HTR2A: variants seen among roughly 807,000 people sequenced by gnomAD.
HTR2A encodes 5-HT2 receptor.
HTR2A carries 14 observed loss-of-function variants against 31.0 expected under a neutral mutation model. The ratio of observed to expected loss-of-function variants is 0.45; its 90% CI spans 0.30 to 0.71. The LOEUF (loss-of-function observed/expected upper bound fraction) is 0.71. HTR2A is among the 30% of genes least tolerant of loss of function. The probability of loss-of-function intolerance (pLI) is 0.09; values close to 1 mark genes in which losing one functional copy is unlikely to be tolerated. For missense variants in HTR2A, 442 were observed against 573.3 expected, an observed-to-expected ratio of 0.77 and a Z score of 2.34; for synonymous variants, 209 against 225.2, an observed-to-expected ratio of 0.93 and a Z score of 0.64.
intron 3 of HTR2A, among the ~76,000 whole-genome samples, chr13:46,864,378 C>T (rs1462579085): frequency 6.6e-6 from 1 of 152,122 alleles, no homozygotes; most frequent in Non-Finnish European, 1.5e-5. Context: ...CATGACAAAC[C>T]TGCACAGGTA....
rs962213598 is a variant in HTR2A at position 46,885,433 on chromosome 13, G to A, written c.613+6957C>T. ...GGTTAACTGGGTAAATAAAACTATGGAAAGGGAAACTGGATAATGGAAACA... is the reference window on the plus strand; with the variant it reads ...GGTTAACTGGGTAAATAAAACTATGAAAAGGGAAACTGGATAATGGAAACA... On this transcript the variant is annotated intron_variant, in intron 3 of 3. Transcript: ENST00000542664. Among the ~76,000 whole-genome samples the A allele has an allele frequency of 4.6e-5, 7 of 152,112 alleles. No individual in the cohort carries two copies. In the South Asian group the frequency reaches 1.0e-3, roughly 23 times the overall value.
intron 3 of HTR2A, among the ~76,000 whole-genome samples, chr13:46,861,864 A>T (rs1238632533): frequency 6.6e-6 from 1 of 152,236 alleles, no homozygotes; most frequent in Non-Finnish European, 1.5e-5. Context: ...TTCATGGATT[A>T]AAAACTCCCA....
chr13:46,863,292 AC>A (rs1950793780), intron 3 of HTR2A, among the ~76,000 whole-genome samples: 1 of 152,192 alleles, frequency 6.6e-6, no homozygotes, highest in Non-Finnish European at 1.5e-5. Flanking sequence ...GGGAATAAGA[AC>A]AAAAGTTATC....
At chr13:46,876,421 T>A (rs1422511972) in intron 3 of HTR2A, among the ~76,000 whole-genome samples, 1 of 132,420 alleles carries the variant, frequency 7.6e-6, no homozygotes, top group African/African-American at 2.9e-5. Flanking sequence ...TTTTTTTTTT[T>A]TTTTTTGAGA....
At chr13:46,876,479 A>G (rs957202160) in intron 3 of HTR2A, among the ~76,000 whole-genome samples, 3 of 136,830 alleles carry the variant, frequency 2.2e-5, no homozygotes, top group Admixed American at 8.4e-5. Context: ...GCGCAATCTC[A>G]GCTCACTGCA....
At chr13:46,856,514 T>A (rs989600563) in intron 3 of HTR2A, among the ~76,000 whole-genome samples, 1 of 152,042 alleles carries the variant, frequency 6.6e-6, no homozygotes, top group Non-Finnish European at 1.5e-5. Flanking sequence ...TCTAAATGGA[T>A]GTAAGTCTTG....
intron 3 of HTR2A, among the ~76,000 whole-genome samples, chr13:46,841,583 T>C (rs1268288930): frequency 1.3e-5 from 2 of 151,914 alleles, no homozygotes; most frequent in African/African-American, 4.8e-5. Context: ...TACATAAACA[T>C]GAAAACAACA....
intron 3 of HTR2A, among the ~76,000 whole-genome samples, chr13:46,841,439 A>C (rs1255220244): frequency 2.0e-5 from 3 of 152,130 alleles, no homozygotes; most frequent in Non-Finnish European, 4.4e-5. Context: ...AGTTTCTTTC[A>C]AATACTAGGG....
At chr13:46,860,344 T>C (rs774731946) in intron 3 of HTR2A, among the ~76,000 whole-genome samples, 1 of 152,208 alleles carries the variant, frequency 6.6e-6, no homozygotes, top group Non-Finnish European at 1.5e-5. Flanking sequence ...CTATTGCTAA[T>C]GATGAACAAG....
chr13:46,844,765 A>G (rs1950628016), intron 3 of HTR2A, among the ~76,000 whole-genome samples: 1 of 152,252 alleles, frequency 6.6e-6, no homozygotes. Context: ...GACTCTGTTA[A>G]TCACTAGCTG....
At chr13:46,844,494 T>C (rs117448873) in intron 3 of HTR2A, among the ~76,000 whole-genome samples, 1 of 152,178 alleles carries the variant, frequency 6.6e-6, no homozygotes, top group Admixed American at 6.5e-5. Context: ...GAGGCACATA[T>C]AGGATTAACC....
At position 46,865,535 on chromosome 13, in the gene HTR2A, C is replaced by T. The variant is rs565612127; in HGVS notation, c.613+26855G>A. Among the ~76,000 whole-genome samples the T allele has an allele frequency of 2.0e-5, 3 of 152,246 alleles. No individual in the cohort carries two copies. The East Asian group carries it at 5.8e-4, about 29-fold the overall frequency. ...GTGAAGATGCTGACCTAAACCAGTC[C>T]TGGGTCACCTGGACTGTACTTGGAG... On this transcript the variant is annotated intron_variant, in intron 3 of 3. Coordinates refer to ENST00000542664, the MANE Select transcript of HTR2A (RefSeq NM_000621.5).
At chr13:46,864,836 A>G (rs1269449905) in intron 3 of HTR2A, among the ~76,000 whole-genome samples, 5 of 152,162 alleles carry the variant, frequency 3.3e-5, no homozygotes, top group African/African-American at 1.2e-4. Context: ...AAAGAGTGAG[A>G]TTCGTCTTTG....
chr13:46,868,973 T>C (rs1192944511), intron 3 of HTR2A, among the ~76,000 whole-genome samples: 3 of 152,294 alleles, frequency 2.0e-5, no homozygotes, highest in Admixed American at 6.5e-5. Context: ...GGTGATAAAG[T>C]AGCTTTACAG....
intron 3 of HTR2A, among the ~76,000 whole-genome samples, chr13:46,875,051 C>T (rs569306050): frequency 1.3e-5 from 2 of 152,290 alleles, no homozygotes; most frequent in Admixed American, 6.5e-5. Context: ...ATAAAGAACA[C>T]CCCTGAGTAG....
chr13:46,867,492 T>C (rs923492232), intron 3 of HTR2A, among the ~76,000 whole-genome samples: 2 of 152,230 alleles, frequency 1.3e-5, no homozygotes, highest in Non-Finnish European at 2.9e-5. Context: ...CATATGTGTA[T>C]GTAATATATA....
At chr13:46,882,997 G>A (rs1201555480) in intron 3 of HTR2A, among the ~76,000 whole-genome samples, 1 of 152,170 alleles carries the variant, frequency 6.6e-6, no homozygotes, top group East Asian at 1.9e-4. Context: ...CAGCTTAGAA[G>A]GGACAGAGCC....
chr13:46,843,614 G>C (rs1950617325), intron 3 of HTR2A, among the ~76,000 whole-genome samples: 1 of 152,134 alleles, frequency 6.6e-6, no homozygotes, highest in South Asian at 2.1e-4. Flanking sequence ...AGGTATGGTG[G>C]CTGTGCCATG....
chr13:46,895,280 A>T lies in HTR2A; in HGVS notation c.412+215T>A. ...ACAGGATGTACGCGTTTTGAAGCAC[A>T]AAACTCTCCAGTGATCACAGGTCAT... On this transcript the variant is annotated intron_variant, in intron 2 of 3. Transcript: ENST00000542664. This position sits in a 1 kb window ranked among gnomAD's most constrained non-coding sequence, Gnocchi z 4.4. 2.0e-6 allele frequency: 1 copy of T among 507,590 alleles called. No individual in the cohort carries two copies. Among genetic ancestry groups the T allele is most frequent in the Non-Finnish European group, 3.5e-6 (1 of 288,390 alleles). The allele number at this position is 507,590 out of a possible 1,614,324, so 31.4% of individuals were successfully genotyped here. A position where few individuals can be genotyped will look rare whatever the true frequency, so the allele number is the denominator to read the frequency against.
Sources: allele counts gnomAD v4.1 joint callset (sites outside exome capture counted in the v4.1 genomes callset), GRCh38; gene constraint gnomAD v4.1.1; non-coding constraint Gnocchi (gnomAD v3.1); transcripts MANE v1.5; gene names NCBI Gene and HGNC (gene_info 2026-07-23, HGNC 2026-07-21).